The following ST18 variants were observed in gnomAD, a reference collection of about 807,000 sequenced individuals.
ST18 encodes suppression of tumorigenicity 18 protein.
In ST18, 50 loss-of-function variants were observed where a neutral mutation model predicts 110.0. The ratio of observed to expected loss-of-function variants is 0.45; its 90% CI spans 0.36 to 0.58. ST18 has a LOEUF of 0.58. Ranked by LOEUF, ST18 falls within the 20% of genes least tolerant of loss-of-function variation. ST18 has a pLI of 0.00. For synonymous variants in ST18, 461 were observed against 452.4 expected (o/e 1.02, Z -0.24); for missense variants, 1,306 against 1,280.1 (o/e 1.02, Z -0.31).
chr8:52,323,380 A>G lies in ST18; in HGVS notation c.-465+85948T>C, dbSNP rs146847477. ...ACTTTAAGGAATTAAGAAGCACTAC[A>G]TCCTCCTTGAAAGAGGCAGCTAACA... is the stretch of plus-strand genomic sequence containing the variant. On this transcript the variant is annotated intron_variant, in intron 2 of 25. Transcript: ENST00000689386. Among the ~76,000 whole-genome samples the G allele has an allele frequency of 6.0e-3, 916 of 152,354 alleles. 7 individuals carry two copies. Among genetic ancestry groups the G allele is most frequent in the African/African-American group, 0.021 (868 of 41,582 alleles).
chr8:52,268,572 T>G (rs1031403339), intron 2 of ST18, among the ~76,000 whole-genome samples: 1 of 152,148 alleles, frequency 6.6e-6, no homozygotes, highest in Admixed American at 6.5e-5. Flanking sequence ...CATCTATCTA[T>G]CTCTATCTAC....
At position 52,386,818 on chromosome 8, in the gene ST18, C is replaced by CA. The variant is rs141037799; in HGVS notation, c.-465+22509dup. On this transcript the variant is annotated intron_variant, in intron 2 of 25. Coordinates refer to ENST00000689386, the MANE Select transcript of ST18 (RefSeq NM_001352837.2). ...ACTGATCAATTTGAAGACCAGAAAA[C>CA]AGTCACACTATCCTAAGATCATAAC... Among the ~76,000 whole-genome samples the CA allele has an allele frequency of 8.4e-3, 1,283 of 152,294 alleles. 7 individuals carry two copies. The highest frequency in any genetic ancestry group is 0.013 in the Non-Finnish European group (905 of 68,026).
intron 2 of ST18, among the ~76,000 whole-genome samples, chr8:52,236,538 G>C (rs564807087): frequency 2.2e-4 from 33 of 151,428 alleles, no homozygotes; most frequent in Non-Finnish European, 4.0e-4. Flanking sequence ...TTGAACCCAG[G>C]AGGCGGAGGT....
At chr8:52,198,334 G>C (rs1446723017) in intron 8 of ST18, among the ~76,000 whole-genome samples, 2 of 152,134 alleles carry the variant, frequency 1.3e-5, no homozygotes, top group Non-Finnish European at 2.9e-5. Flanking sequence ...TATCATACAT[G>C]TCAATTTCAC....
chr8:52,388,742 T>C (rs957422996), intron 2 of ST18, among the ~76,000 whole-genome samples: 6 of 135,882 alleles, frequency 4.4e-5, no homozygotes, highest in Non-Finnish European at 9.1e-5. Flanking sequence ...GTCTCTCCAC[T>C]GAAAACCTGG....
At position 52,236,538 on chromosome 8, in the gene ST18, G is replaced by A. The variant is rs564807087; in HGVS notation, c.-464-6461C>T. ...AGGCAGGAGAATCCCTTGAACCCAG[G>A]AGGCGGAGGTTGCAGTGAGCCAAGA... On this transcript the variant is annotated intron_variant, in intron 2 of 25. Transcript: ENST00000689386. Among the ~76,000 whole-genome samples, 231 of 151,542 alleles carry A rather than the reference G, an allele frequency of 1.5e-3. 2 individuals carry two copies. Among genetic ancestry groups the A allele is most frequent in the African/African-American group, 5.4e-3 (221 of 41,252 alleles).
In ST18 at chr8:52,112,879, G is replaced by A. The variant is rs776517488; in HGVS notation, c.*319C>T. On this transcript the variant is annotated 3_prime_UTR_variant, in exon 26 of 26. Coordinates refer to ENST00000689386, the MANE Select transcript of ST18 (RefSeq NM_001352837.2). ...TAAAAGATAAAAAACTCTTTGATTAGTAATAAATAAATTATAAAAATGTCA... is the reference window on the plus strand; with the variant it reads ...TAAAAGATAAAAAACTCTTTGATTAATAATAAATAAATTATAAAAATGTCA... The A allele has an allele frequency of 6.1e-4, 111 of 182,472 alleles. No homozygotes were observed. In the Middle Eastern group the frequency reaches 9.0e-3, roughly 15 times the overall value. The allele number at this position is 182,472 out of a possible 1,614,324, so 11.3% of individuals were successfully genotyped here.
chr8:52,256,661 A>G (rs2094537905), intron 2 of ST18, among the ~76,000 whole-genome samples: 1 of 152,202 alleles, frequency 6.6e-6, no homozygotes, highest in African/African-American at 2.4e-5. Context: ...CCACAGATAC[A>G]GTGTGGTGAC....
At chr8:52,156,789 T>C (rs2060129096) in intron 15 of ST18, among the ~76,000 whole-genome samples, 1 of 152,228 alleles carries the variant, frequency 6.6e-6, no homozygotes, top group Non-Finnish European at 1.5e-5. Context: ...AGAAGGATTC[T>C]GCACAAAGTG....
At chr8:52,268,225 C>G (rs966214131) in intron 2 of ST18, among the ~76,000 whole-genome samples, 2 of 152,188 alleles carry the variant, frequency 1.3e-5, no homozygotes, top group Non-Finnish European at 2.9e-5. Flanking sequence ...AGGTCTTCTC[C>G]TATTCAAAGA....
At position 52,402,271 on chromosome 8, in the gene ST18, A is replaced by C. The variant is rs1025871116; in HGVS notation, c.-465+7057T>G. On this transcript the variant is annotated intron_variant, in intron 2 of 25. Transcript: ENST00000689386. ...AGGCAGCCATAGCATCACTGTGTTC[A>C]AGGGCACATGTGATTGGAATGGCTG... 3.9e-5 allele frequency among the ~76,000 whole-genome samples: 6 copies of C among 152,258 alleles called. No homozygotes were observed. In the South Asian group the frequency reaches 1.0e-3, roughly 26 times the overall value.
intron 2 of ST18, among the ~76,000 whole-genome samples, chr8:52,287,634 A>G (rs1000948052): frequency 5.3e-5 from 8 of 152,340 alleles, no homozygotes; most frequent in African/African-American, 1.4e-4. Context: ...AAGGCTATGC[A>G]GAGTGTAAAC....
chr8:52,264,642 G>A (rs772279344), intron 2 of ST18, among the ~76,000 whole-genome samples: 17 of 152,264 alleles, frequency 1.1e-4, no homozygotes, highest in Non-Finnish European at 2.4e-4. Flanking sequence ...CTGTCCTTGT[G>A]AACAAGAGTC....
chr8:52,282,000 T>C (rs1290784412), intron 2 of ST18, among the ~76,000 whole-genome samples: 2 of 152,150 alleles, frequency 1.3e-5, no homozygotes, highest in African/African-American at 2.4e-5. Flanking sequence ...AAAGAACTTA[T>C]TCATGTAACC....
At chr8:52,370,084 T>C (rs754756626) in intron 2 of ST18, among the ~76,000 whole-genome samples, 7 of 152,320 alleles carry the variant, frequency 4.6e-5, no homozygotes, top group Middle Eastern at 3.4e-3. Flanking sequence ...TGAGAGCTCA[T>C]GCTCCATAGG....
chr8:52,139,701 C>T (rs951849174), intron 17 of ST18, among the ~76,000 whole-genome samples: 6 of 147,868 alleles, frequency 4.1e-5, no homozygotes, highest in Non-Finnish European at 7.6e-5. Flanking sequence ...CCAGGAGAAG[C>T]CAAGAAGTGC....
chr8:52,113,581 A>G (rs1343342728), intron 25 of ST18, among the ~76,000 whole-genome samples: 3 of 152,118 alleles, frequency 2.0e-5, no homozygotes, highest in Non-Finnish European at 2.9e-5. Flanking sequence ...GGAGCACATA[A>G]AGTATATGTC....
chr8:52,120,098 G>A (rs1177186246), intron 23 of ST18, among the ~76,000 whole-genome samples: 1 of 152,134 alleles, frequency 6.6e-6, no homozygotes, highest in Admixed American at 6.5e-5. Flanking sequence ...AGCTGTGTCT[G>A]GAGAATTGTA....
intron 2 of ST18, among the ~76,000 whole-genome samples, chr8:52,246,921 A>G (rs4292708): frequency 0.077 from 11,644 of 152,162 alleles, 928 homozygotes; most frequent in African/African-American, 0.19. Context: ...AAGTTAGAGA[A>G]CTTATCCAGG....
Sources: allele counts gnomAD v4.1 joint callset (sites outside exome capture counted in the v4.1 genomes callset), GRCh38; gene constraint gnomAD v4.1.1; transcripts MANE v1.5; gene names NCBI Gene and HGNC (gene_info 2026-07-23, HGNC 2026-07-21).